Variants in CNTN5 observed in about 807,000 individuals in gnomAD.
CNTN5 encodes the protein contactin-5.
A neutral mutation model predicts 129.1 loss-of-function variants in CNTN5; 77 were observed. The observed-to-expected ratio is 0.60, with a 90% CI of 0.50 to 0.72. The LOEUF is 0.72. Among genes scored for constraint, CNTN5 ranks in the 30% least tolerant of loss-of-function variants. The pLI is 0.00. For missense variants in CNTN5, 1,478 were observed against 1,328.8 expected, an observed-to-expected ratio of 1.11 and a Z score of -1.75; for synonymous variants, 509 against 465.6, an observed-to-expected ratio of 1.09 and a Z score of -1.20.
intron 1 of CNTN5, among the ~76,000 whole-genome samples, chr11:99,085,354 A>G (rs1865964710): frequency 6.6e-6 from 1 of 152,010 alleles, no homozygotes; most frequent in Non-Finnish European, 1.5e-5. Context: ...CTAGTAACCA[A>G]ATTGTTTTAT....
At chr11:99,472,324 G>A (rs910575703) in intron 2 of CNTN5, among the ~76,000 whole-genome samples, 1 of 152,272 alleles carries the variant, frequency 6.6e-6, no homozygotes, top group South Asian at 2.1e-4. Context: ...TACATGAGCA[G>A]TTTATCATAA....
At position 100,212,546 on chromosome 11, in the gene CNTN5, G is replaced by C. The variant is rs149263260; in HGVS notation, c.1885-12146G>C. Among the ~76,000 whole-genome samples, 13 of 152,174 alleles carry C rather than the reference G, an allele frequency of 8.5e-5. No individual in the cohort carries two copies. In the East Asian group the frequency reaches 2.5e-3, roughly 29 times the overall value. Reference sequence around the variant, plus strand: ...CATCTAATTACATTACTGCATTACAGCATTATGTGGTAAAAGTTACTAGAC... The same window carrying C: ...CATCTAATTACATTACTGCATTACACCATTATGTGGTAAAAGTTACTAGAC... On this transcript the variant is annotated intron_variant, in intron 15 of 24. Coordinates refer to ENST00000524871, the MANE Select transcript of CNTN5 (RefSeq NM_014361.4).
chr11:100,181,503 G>A (rs1565319896), intron 13 of CNTN5, among the ~76,000 whole-genome samples: 1 of 151,958 alleles, frequency 6.6e-6, no homozygotes, highest in South Asian at 2.1e-4. Context: ...TATTTTTATT[G>A]TGGTGGTAGA....
At chr11:99,445,164 T>C (rs1467213024) in intron 2 of CNTN5, among the ~76,000 whole-genome samples, 2 of 149,846 alleles carry the variant, frequency 1.3e-5, no homozygotes, top group Admixed American at 1.3e-4. Flanking sequence ...AGCTTATATA[T>C]AAATAATATA....
intron 3 of CNTN5, among the ~76,000 whole-genome samples, chr11:99,667,308 T>TGCA (rs1565406573): frequency 6.6e-6 from 1 of 151,432 alleles, no homozygotes; most frequent in African/African-American, 2.4e-5. Context: ...TAATAAATTT[T>TGCA]GTAAATAGCT....
At chr11:99,520,099 A>G (rs764450319) in intron 2 of CNTN5, among the ~76,000 whole-genome samples, 2 of 152,122 alleles carry the variant, frequency 1.3e-5, no homozygotes, top group African/African-American at 2.4e-5. Flanking sequence ...ATAGCACATG[A>G]GAATTCAATA....
At position 99,438,929 on chromosome 11, in the gene CNTN5, C is replaced by T. The variant is rs78060247; in HGVS notation, c.-71+113445C>T. Among the ~76,000 whole-genome samples, 29 of 152,172 alleles carry T rather than the reference C, an allele frequency of 1.9e-4. No homozygotes were observed. In the East Asian group the frequency reaches 2.9e-3, roughly 15 times the overall value. ...GTGCAAGTCTTCGATGATGTTGTGACGCTATAGAACTGGTGATATGTAGTG... is the reference window on the plus strand; with the variant it reads ...GTGCAAGTCTTCGATGATGTTGTGATGCTATAGAACTGGTGATATGTAGTG... On this transcript the variant is annotated intron_variant, in intron 2 of 24. Coordinates refer to ENST00000524871, the MANE Select transcript of CNTN5 (RefSeq NM_014361.4).
intron 1 of CNTN5, among the ~76,000 whole-genome samples, chr11:99,066,901 C>T (rs1865126549): frequency 6.6e-6 from 1 of 152,174 alleles, no homozygotes; most frequent in Non-Finnish European, 1.5e-5. Flanking sequence ...GGGCTTCTCA[C>T]TGGCCCCACT....
intron 13 of CNTN5, among the ~76,000 whole-genome samples, chr11:100,174,854 T>C (rs1408704593): frequency 6.6e-6 from 1 of 152,148 alleles, no homozygotes; most frequent in African/African-American, 2.4e-5. Flanking sequence ...AAGTAAATTC[T>C]GCACTTAGGC....
At chr11:99,932,263 GC>G (rs1479432692) in intron 7 of CNTN5, among the ~76,000 whole-genome samples, 2 of 152,134 alleles carry the variant, frequency 1.3e-5, no homozygotes, top group Non-Finnish European at 2.9e-5. Context: ...GTCGATCTCG[GC>G]TCACTGCAAC....
chr11:99,081,279 G>T (rs1181789509), intron 1 of CNTN5, among the ~76,000 whole-genome samples: 2 of 151,954 alleles, frequency 1.3e-5, no homozygotes, highest in Non-Finnish European at 2.9e-5. Context: ...TTATTGAGTG[G>T]AACTCTTCAC....
intron 3 of CNTN5, among the ~76,000 whole-genome samples, chr11:99,718,323 C>T (rs1943053829): frequency 1.3e-5 from 2 of 152,106 alleles, no homozygotes; most frequent in Admixed American, 6.6e-5. Flanking sequence ...CACTTTTTGA[C>T]TAACTTGTTC....
intron 7 of CNTN5, among the ~76,000 whole-genome samples, chr11:99,948,387 C>A (rs115844737): frequency 4.6e-5 from 7 of 152,170 alleles, no homozygotes; most frequent in Admixed American, 2.6e-4. Context: ...TTAAGACTTG[C>A]ATGGCATTGT....
At chr11:99,471,652 G>T (rs547629336) in intron 2 of CNTN5, among the ~76,000 whole-genome samples, 2 of 151,162 alleles carry the variant, frequency 1.3e-5, no homozygotes, top group Non-Finnish European at 3.0e-5. Flanking sequence ...TTTTTCCTGA[G>T]GATTATACTA....
intron 1 of CNTN5, among the ~76,000 whole-genome samples, chr11:99,110,606 A>T (rs1047933294): frequency 7.2e-5 from 11 of 152,244 alleles, no homozygotes; most frequent in Non-Finnish European, 1.0e-4. Flanking sequence ...TCAGCAGCAC[A>T]TGTTCACACG....
chr11:99,947,033 T>C (rs1301103111), intron 7 of CNTN5, among the ~76,000 whole-genome samples: 1 of 74,286 alleles, frequency 1.3e-5, no homozygotes, highest in Non-Finnish European at 2.9e-5. Context: ...AATGAGTATG[T>C]TTTACATTAT....
chr11:100,259,827 C>A (rs1451403513), intron 17 of CNTN5, among the ~76,000 whole-genome samples: 4 of 151,712 alleles, frequency 2.6e-5, no homozygotes, highest in Non-Finnish European at 5.9e-5. Flanking sequence ...GCACTAAATG[C>A]CCACCGGAGA....
chr11:99,443,072 AT>A (rs1190349273), intron 2 of CNTN5, among the ~76,000 whole-genome samples: 1 of 152,150 alleles, frequency 6.6e-6, no homozygotes, highest in Non-Finnish European at 1.5e-5. Context: ...TCACAAAAGA[AT>A]TAATATTTGA....
At chr11:99,785,889 G>A (rs1945503437) in intron 3 of CNTN5, among the ~76,000 whole-genome samples, 1 of 152,118 alleles carries the variant, frequency 6.6e-6, no homozygotes, top group Non-Finnish European at 1.5e-5. Context: ...CAAACTCACA[G>A]CCAATATTAT....
Sources: allele counts gnomAD v4.1 joint callset (sites outside exome capture counted in the v4.1 genomes callset), GRCh38; gene constraint gnomAD v4.1.1; transcripts MANE v1.5; gene names NCBI Gene and HGNC (gene_info 2026-07-23, HGNC 2026-07-21).